Variants in ZNF248 observed in about 807,000 individuals in gnomAD.
ZNF248 encodes KRAB protein domain.
ZNF248 carries 20 observed loss-of-function variants against 44.3 expected under a neutral mutation model. The observed-to-expected ratio is 0.45, with a 90% CI of 0.32 to 0.66. ZNF248 has a LOEUF of 0.66. Among genes scored for constraint, ZNF248 ranks in the 30% least tolerant of loss-of-function variants. ZNF248 has a pLI of 0.04. For synonymous variants in ZNF248, 224 were observed against 229.0 expected (o/e 0.98, Z 0.20); for missense variants, 654 against 677.0 (o/e 0.97, Z 0.38).
chr10:37,824,264 C>T (rs569986143), downstream of ZNF248, among the ~76,000 whole-genome samples: 1 of 152,148 alleles, frequency 6.6e-6, no homozygotes, highest in Non-Finnish European at 1.5e-5. Context: ...CATTTTTGTT[C>T]TATTCAGGCC....
chr10:37,846,870 T>G (rs1035061318), intron 3 of ZNF248, among the ~76,000 whole-genome samples: 1 of 152,152 alleles, frequency 6.6e-6, no homozygotes, highest in Admixed American at 6.5e-5. Flanking sequence ...AATAAAGATA[T>G]GGAGAAGAAA....
intron 6 of ZNF248, among the ~76,000 whole-genome samples, chr10:37,809,658 C>T (rs1232706463): frequency 6.6e-6 from 1 of 152,140 alleles, no homozygotes; most frequent in Non-Finnish European, 1.5e-5. Flanking sequence ...TAAAGGTAAG[C>T]ACCTATAGCT....
chr10:37,847,447 T>G (rs2059513881), intron 3 of ZNF248, among the ~76,000 whole-genome samples: 1 of 152,224 alleles, frequency 6.6e-6, no homozygotes, highest in African/African-American at 2.4e-5. Context: ...CTGCTCATTT[T>G]CTTAGCATGA....
chr10:37,779,965 G>A (rs1233839461), intron 6 of ZNF248, among the ~76,000 whole-genome samples: 2 of 150,600 alleles, frequency 1.3e-5, no homozygotes, highest in East Asian at 1.9e-4. Context: ...CAAGGGATGT[G>A]AAGGACCTCT....
Position 37,832,479 on chromosome 10 carries a change from T to G in ZNF248, c.876A>C (p.Thr292=), listed in dbSNP as rs2056044471. The G allele has an allele frequency of 6.2e-7, 1 of 1,613,848 alleles. No homozygotes were observed. The highest frequency in any genetic ancestry group is 1.1e-5 in the South Asian group (1 of 91,078). ...CATTATATTCATAAGGATTGTCCTT[T>G]GTAAGAGCTCTCTGATGTCCAAACC... ...NLRFGHQRAL[T]KDNPYEYNEY... Residue 292 remains threonine (T), a synonymous_variant, in exon 6 of 6, where the codon ACA becomes ACC. Coordinates refer to ENST00000395867, the MANE Select transcript of ZNF248 (RefSeq NM_021045.3).
intron 5 of ZNF248, among the ~76,000 whole-genome samples, chr10:37,836,727 C>A (rs930589180): frequency 2.1e-4 from 32 of 151,852 alleles, no homozygotes; most frequent in African/African-American, 7.8e-4. Context: ...TATACACACA[C>A]ATATGCACAT....
At chr10:37,792,546 G>GT (rs2048684095) in intron 6 of ZNF248, among the ~76,000 whole-genome samples, 1 of 152,146 alleles carries the variant, frequency 6.6e-6, no homozygotes. Context: ...GGAAAACACT[G>GT]TAACTTTACA....
chr10:37,799,770 T>C (rs899997545), intron 6 of ZNF248, among the ~76,000 whole-genome samples: 2 of 152,160 alleles, frequency 1.3e-5, no homozygotes, highest in African/African-American at 4.8e-5. Context: ...GGCATTATAA[T>C]TCACTGGAGA....
downstream of ZNF248, among the ~76,000 whole-genome samples, chr10:37,773,254 T>C (rs1205067029): frequency 6.6e-6 from 1 of 151,840 alleles, no homozygotes; most frequent in Non-Finnish European, 1.5e-5. Flanking sequence ...AAAAAATAAA[T>C]AATAATAATA....
Position 37,832,877 on chromosome 10 carries a change from A to G in ZNF248, c.478T>C (p.Cys160Arg). Residue 160 changes from cysteine to arginine, a missense_variant, in exon 6 of 6, where the codon TGT (cysteine) becomes CGT (arginine). Transcript: ENST00000395867. ...AACTCATCAGGCTTCTTTCTGGAACAGTTCTTTTTACTAATAATTAAGCCC... is the reference window on the plus strand; with the variant it reads ...AACTCATCAGGCTTCTTTCTGGAACGGTTCTTTTTACTAATAATTAAGCCC... ...ISGLIISKKNCSRKKPDEFNV... is the reference protein window; with the variant it reads ...ISGLIISKKNRSRKKPDEFNV... 1 of 1,613,588 alleles carries G rather than the reference A, an allele frequency of 6.2e-7. No homozygotes were observed. The highest frequency in any genetic ancestry group is 8.5e-7 in the Non-Finnish European group (1 of 1,179,782).
chr10:37,800,788 GTC>G (rs1193791676), intron 6 of ZNF248, among the ~76,000 whole-genome samples: 2 of 150,136 alleles, frequency 1.3e-5, no homozygotes, highest in Admixed American at 6.6e-5. Context: ...TTGAGATGGA[GTC>G]TCTCTCTGTC....
chr10:37,847,996 C>A (rs190279456), intron 3 of ZNF248, among the ~76,000 whole-genome samples: 1 of 152,282 alleles, frequency 6.6e-6, no homozygotes, highest in African/African-American at 2.4e-5. Flanking sequence ...AGAGGCAGGG[C>A]ACAGTGGCTC....
At chr10:37,789,075 T>C (rs1488036477) in intron 6 of ZNF248, among the ~76,000 whole-genome samples, 1 of 152,130 alleles carries the variant, frequency 6.6e-6, no homozygotes, top group Non-Finnish European at 1.5e-5. Context: ...TTTCATCATG[T>C]TGGCCAGGCT....
At chr10:37,853,569 G>A (rs1330197191) in intron 3 of ZNF248, among the ~76,000 whole-genome samples, 7 of 151,900 alleles carry the variant, frequency 4.6e-5, no homozygotes, top group Admixed American at 2.0e-4. Flanking sequence ...TAGTAGAGAC[G>A]GGGTTTCTCC....
intron 6 of ZNF248, among the ~76,000 whole-genome samples, chr10:37,779,283 G>A (rs956086366): frequency 1.1e-4 from 17 of 152,288 alleles, no homozygotes; most frequent in African/African-American, 3.4e-4. Context: ...CTGGCAAACC[G>A]AATCCAGCAA....
chr10:37,768,958 G>A, the ZNF248 span, among the ~76,000 whole-genome samples: 9,112 of 152,272 alleles, frequency 0.06, 351 homozygotes, highest in Middle Eastern at 0.095. Flanking sequence ...TGATCCCATA[G>A]AAATACAAAC....
At position 37,856,280 on chromosome 10, in the gene ZNF248, G is replaced by A. The variant is rs1341859023; in HGVS notation, c.15+16C>T. The A allele has an allele frequency of 6.2e-7, 1 of 1,611,730 alleles. No individual in the cohort carries two copies. Among genetic ancestry groups the A allele is most frequent in the African/African-American group, 1.3e-5 (1 of 74,822 alleles). On this transcript the variant is annotated intron_variant, in intron 3 of 5. Transcript: ENST00000395867. Reference sequence around the variant, plus strand: ...CATTTTTAAACAAACTGGGAATAAAGAAACAAGAATCTCACCTGGGATTTG... The same window carrying A: ...CATTTTTAAACAAACTGGGAATAAAAAAACAAGAATCTCACCTGGGATTTG...
At chr10:37,766,259 A>C in the ZNF248 span, among the ~76,000 whole-genome samples, 1 of 152,214 alleles carries the variant, frequency 6.6e-6, no homozygotes, top group Non-Finnish European at 1.5e-5. Flanking sequence ...TGAAGAGAGT[A>C]GTGGTTCTCC....
chr10:37,828,799 G>A lies in ZNF248; in HGVS notation c.*2816C>T. 2 of 985,416 alleles carry A rather than the reference G, an allele frequency of 2.0e-6. No individual in the cohort carries two copies. The highest frequency in any genetic ancestry group is 2.4e-6 in the Non-Finnish European group (2 of 829,926). 61.0% of individuals were successfully genotyped at this position (985,416 alleles called of 1,614,324 possible). A position where few individuals can be genotyped will look rare whatever the true frequency, so the allele number is the denominator to read the frequency against. Reference sequence around the variant, plus strand: ...CTGGCTATTTATTTGGAAGAATACAGAGCTGCTTACCTTACACCACATACA... The same window carrying A: ...CTGGCTATTTATTTGGAAGAATACAAAGCTGCTTACCTTACACCACATACA... On this transcript the variant is annotated 3_prime_UTR_variant, in exon 6 of 6. Transcript: ENST00000395867.
Sources: allele counts gnomAD v4.1 joint callset (sites outside exome capture counted in the v4.1 genomes callset), GRCh38; gene constraint gnomAD v4.1.1; transcripts MANE v1.5; gene names NCBI Gene and HGNC (gene_info 2026-07-23, HGNC 2026-07-21).